The following ACVR2A variants were observed in gnomAD, a reference collection of about 807,000 sequenced individuals.
ACVR2A encodes the protein activin A receptor type 2A.
Under a neutral mutation model 61.4 loss-of-function variants are expected in ACVR2A, and 7 were observed. The observed-to-expected ratio is 0.11, with a 90% CI of 0.06 to 0.21. ACVR2A has a LOEUF of 0.21. ACVR2A is among the 10% of genes least tolerant of loss of function. The pLI is 1.00. For synonymous variants in ACVR2A, 193 were observed against 208.3 expected (o/e 0.93, Z 0.63); for missense variants, 322 against 621.7 (o/e 0.52, Z 5.13).
chr2:147,915,223 A>G lies in ACVR2A; in HGVS notation c.561A>G (p.Leu187=), dbSNP rs758374100. The stretch of plus-strand genomic sequence containing the variant: ...GACCACCCCCACCTTCTCCATTACT[A>G]GGTTTGAAACCACTGCAGTTATTAG... ...DPGPPPPSPL[L]GLKPLQLLEV... Residue 187 remains leucine (L), a synonymous_variant, in exon 5 of 11, where the codon CTA becomes CTG. Transcript: ENST00000241416. 1.9e-6 allele frequency: 3 copies of G among 1,612,222 alleles called. No homozygotes were observed. The highest frequency in any genetic ancestry group is 2.5e-6 in the Non-Finnish European group (3 of 1,178,646).
rs1685419212 is a variant in ACVR2A, at chr2:147,850,620, T to C, written c.55+5413T>C. ...TCCTCTGTGGTAGATTTAATTCTGT[T>C]AGATTGTAAAATAGTCATGTCTAGA... On this transcript the variant is annotated intron_variant, in intron 1 of 10. Coordinates refer to ENST00000241416, the MANE Select transcript of ACVR2A (RefSeq NM_001616.5). Among the ~76,000 whole-genome samples, 3 of 152,126 alleles carry C rather than the reference T, an allele frequency of 2.0e-5. No homozygotes were observed. The South Asian group carries it at 6.2e-4, about 32-fold the overall frequency.
Position 147,845,144 on chromosome 2 carries a change from C to T in ACVR2A, c.-9C>T. The T allele has an allele frequency of 3.1e-6, 5 of 1,613,158 alleles. No homozygotes were observed. Among genetic ancestry groups the T allele is most frequent in the African/African-American group, 2.7e-5 (2 of 74,790 alleles). ...GAACTTCCTCCGGATTCCCCGGCGC[C>T]TCGGGAAAATGGGAGCTGCTGCAAA... On this transcript the variant is annotated 5_prime_UTR_variant, in exon 1 of 11. Coordinates refer to ENST00000241416, the MANE Select transcript of ACVR2A (RefSeq NM_001616.5).
In ACVR2A at chr2:147,899,827, A is replaced by T; in HGVS notation, c.457A>T (p.Ile153Phe). ...GGTGCCACTTATGTTAATTGCGGGG[A>T]TTGTCATTTGTGCATTTTGGGTGTA... Reference protein sequence around the residue: ...SLVPLMLIAGIVICAFWVYRH... With the variant: ...SLVPLMLIAGFVICAFWVYRH... The change falls in exon 4 of 11, where the codon ATT (isoleucine) becomes TTT (phenylalanine). Residue 153 changes from isoleucine to phenylalanine, a missense_variant. By Grantham distance (21) the Ile-to-Phe change is conservative. This residue lies in a region of ACVR2A where 142 missense variants were observed against 200.3 expected (regional missense o/e 0.71). Coordinates refer to ENST00000241416, the MANE Select transcript of ACVR2A (RefSeq NM_001616.5). The T allele has an allele frequency of 6.2e-7, 1 of 1,613,544 alleles. No individual in the cohort carries two copies. The highest frequency in any genetic ancestry group is 8.5e-7 in the Non-Finnish European group (1 of 1,179,716).
At chr2:147,876,371 A>C (rs569223383) in intron 1 of ACVR2A, among the ~76,000 whole-genome samples, 1 of 152,244 alleles carries the variant, frequency 6.6e-6, no homozygotes, top group South Asian at 2.1e-4. Flanking sequence ...GTGAGCAAAA[A>C]ATTTAAATTT....
chr2:147,858,044 G>A (rs1685631313), intron 1 of ACVR2A, among the ~76,000 whole-genome samples: 1 of 151,994 alleles, frequency 6.6e-6, no homozygotes, highest in Non-Finnish European at 1.5e-5. Context: ...GCTTTCACTT[G>A]TGAGAACTTG....
At chr2:147,849,970 T>C (rs1170025224) in intron 1 of ACVR2A, among the ~76,000 whole-genome samples, 1 of 152,222 alleles carries the variant, frequency 6.6e-6, no homozygotes, top group East Asian at 1.9e-4. Flanking sequence ...ATCTTTGATA[T>C]TTCATGAGTC....
intron 1 of ACVR2A, among the ~76,000 whole-genome samples, chr2:147,881,221 T>G (rs1686290502): frequency 6.6e-6 from 1 of 152,344 alleles, no homozygotes; most frequent in East Asian, 1.9e-4. Flanking sequence ...GCTCTTTTCC[T>G]GGTTCCTGTT....
chr2:147,854,813 A>G (rs1685529611), intron 1 of ACVR2A, among the ~76,000 whole-genome samples: 1 of 152,200 alleles, frequency 6.6e-6, no homozygotes, highest in Non-Finnish European at 1.5e-5. Context: ...TCGGACAGAA[A>G]CTAACAGGGT....
intron 7 of ACVR2A, 146 bp from the exon 8 acceptor site, chr2:147,920,084 C>G: frequency 1.7e-6 from 1 of 598,118 alleles, no homozygotes; most frequent in Non-Finnish European, 2.9e-6. Context: ...GGGCTCTGAG[C>G]TTTGTTTGTC....
rs1327148603 is a variant in ACVR2A at position 147,930,180 on chromosome 2, C to CCAA, written c.*2909_*2911dup. The CCAA allele has an allele frequency of 6.6e-6, 1 of 152,266 alleles. No individual in the cohort carries two copies. Among genetic ancestry groups the CCAA allele is most frequent in the African/African-American group, 2.4e-5 (1 of 41,422 alleles). The allele number at this position is 152,266 out of a possible 1,614,324, so 9.4% of individuals were successfully genotyped here. A position where few individuals can be genotyped will look rare whatever the true frequency, so the allele number is the denominator to read the frequency against. On this transcript the variant is annotated 3_prime_UTR_variant, in exon 11 of 11. Transcript: ENST00000241416. The stretch of plus-strand genomic sequence containing the variant: ...TTTGAAAATACAATCAGGAAAAAAC[C>CCAA]CAACACCTTTGGAATTTAAAATAGA...
intron 1 of ACVR2A, among the ~76,000 whole-genome samples, chr2:147,849,564 C>T (rs1408898887): frequency 6.6e-6 from 1 of 152,106 alleles, no homozygotes; most frequent in East Asian, 1.9e-4. Flanking sequence ...TATTGCAGAT[C>T]GTTTCCCTTT....
chr2:147,893,665 A>G (rs185999357), intron 1 of ACVR2A, among the ~76,000 whole-genome samples: 1 of 152,304 alleles, frequency 6.6e-6, no homozygotes, highest in African/African-American at 2.4e-5. Context: ...AAAAATTTTT[A>G]TTCTTTGCTC....
chr2:147,844,549 C>CGGAGCT (rs1685247341), upstream of ACVR2A: 1 of 149,778 alleles, frequency 6.7e-6, no homozygotes, highest in East Asian at 2.0e-4. Context: ...GCCCGGAGCC[C>CGGAGCT]GGAGCTGGAG....
At chr2:147,903,375 T>A (rs1686916505) in intron 4 of ACVR2A, among the ~76,000 whole-genome samples, 1 of 151,796 alleles carries the variant, frequency 6.6e-6, no homozygotes, top group Admixed American at 6.6e-5. Flanking sequence ...CAAGTCCTGT[T>A]CATTCACCTT....
At chr2:147,862,492 C>T (rs1685749229) in intron 1 of ACVR2A, among the ~76,000 whole-genome samples, 1 of 152,044 alleles carries the variant, frequency 6.6e-6, no homozygotes, top group African/African-American at 2.4e-5. Flanking sequence ...GCCTGTAATC[C>T]CAGCACTTTG....
chr2:147,848,816 T>G (rs1685380974), intron 1 of ACVR2A, among the ~76,000 whole-genome samples: 1 of 149,766 alleles, frequency 6.7e-6, no homozygotes, highest in South Asian at 2.1e-4. Context: ...AAATACAAAT[T>G]AAAAAAAAAG....
At chr2:147,898,871 T>C (rs1020586193) in intron 2 of ACVR2A, among the ~76,000 whole-genome samples, 1 of 152,114 alleles carries the variant, frequency 6.6e-6, no homozygotes, top group Non-Finnish European at 1.5e-5. Context: ...ACCCTGTTCA[T>C]TGCATTCAGG....
At chr2:147,904,210 A>G (rs1410817386) in intron 4 of ACVR2A, among the ~76,000 whole-genome samples, 2 of 152,012 alleles carry the variant, frequency 1.3e-5, no homozygotes, top group African/African-American at 4.8e-5. Context: ...TATAATATGC[A>G]TTGAGTAAAC....
intron 9 of ACVR2A, chr2:147,925,743 T>A: frequency 3.6e-6 from 1 of 276,640 alleles, no homozygotes. Flanking sequence ...GATTGTTCCT[T>A]ATGTCCTCTG....
Sources: gnomAD v4.1 joint callset for allele counts (sites outside exome capture counted in the v4.1 genomes callset) on GRCh38, gnomAD v4.1.1 for gene constraint, gnomAD v4.1.1 regional missense constraint, MANE v1.5 for transcripts, NCBI Gene and HGNC (gene_info 2026-07-23, HGNC 2026-07-21) for gene names.